The following RALYL variants were observed in gnomAD, a reference collection of about 807,000 sequenced individuals.
The protein encoded by RALYL is RNA-binding Raly-like protein.
RALYL carries 29 observed loss-of-function variants against 35.1 expected under a neutral mutation model. The observed-to-expected ratio is 0.83, with a 90% CI of 0.61 to 1.13. The LOEUF (loss-of-function observed/expected upper bound fraction) is 1.13, where lower values mean the gene tolerates loss of function less well. Among genes scored for constraint, RALYL ranks in the 50% most tolerant of loss-of-function variants. The pLI, the probability that RALYL is intolerant of heterozygous loss-of-function variation, is 0.00. For missense variants in RALYL, 359 were observed against 360.4 expected (o/e 1.00, Z 0.03); for synonymous variants, 120 against 127.6 (o/e 0.94, Z 0.40).
chr8:84,714,799 AG>A (rs201574116), intron 2 of RALYL, among the ~76,000 whole-genome samples: 2,139 of 152,040 alleles, frequency 0.014, 61 homozygotes, highest in African/African-American at 0.049. Context: ...GGGCAAGAAA[AG>A]GGGAGAGGTG....
intron 2 of RALYL, among the ~76,000 whole-genome samples, chr8:84,685,774 G>C (rs191672088): frequency 2.0e-5 from 3 of 152,034 alleles, no homozygotes; most frequent in Admixed American, 1.3e-4. Context: ...GACAATGTTT[G>C]TGTGTGTGTG....
intron 3 of RALYL, among the ~76,000 whole-genome samples, chr8:84,778,863 G>A (rs972642149): frequency 6.6e-6 from 1 of 152,174 alleles, no homozygotes; most frequent in African/African-American, 2.4e-5. Context: ...ATGATCACAT[G>A]AGCTGAATAG....
At chr8:84,214,917 A>G (rs1431788160) in intron 1 of RALYL, among the ~76,000 whole-genome samples, 1 of 150,744 alleles carries the variant, frequency 6.6e-6, no homozygotes, top group African/African-American at 2.4e-5. Context: ...ATATTTATTT[A>G]ATTTTTGAGA....
At chr8:84,538,772 C>T (rs1163014790) in intron 2 of RALYL, among the ~76,000 whole-genome samples, 1 of 152,014 alleles carries the variant, frequency 6.6e-6, no homozygotes, top group Non-Finnish European at 1.5e-5. Context: ...TTAAGAAAGG[C>T]TTATGCGCCA....
chr8:84,367,714 A>T (rs1298706670), intron 1 of RALYL, among the ~76,000 whole-genome samples: 1 of 152,138 alleles, frequency 6.6e-6, no homozygotes, highest in East Asian at 1.9e-4. Context: ...TTAAGAAATA[A>T]CACTTTTATA....
chr8:84,898,828 CT>C (rs1845188832), intron 8 of RALYL, among the ~76,000 whole-genome samples: 1 of 152,156 alleles, frequency 6.6e-6, no homozygotes. Context: ...ATCTGGAAAC[CT>C]TCCTGAAATT....
intron 1 of RALYL, among the ~76,000 whole-genome samples, chr8:84,187,127 A>G (rs763651555): frequency 6.6e-6 from 1 of 152,128 alleles, no homozygotes; most frequent in Non-Finnish European, 1.5e-5. Context: ...CACAAATTAA[A>G]TTGGCATTGG....
In RALYL at chr8:84,529,577, G is replaced by T; in HGVS notation, c.256G>T (p.Asp86Tyr). The T allele has an allele frequency of 6.2e-7, 1 of 1,605,742 alleles. No homozygotes were observed. The highest frequency in any genetic ancestry group is 8.5e-7 in the Non-Finnish European group (1 of 1,173,232). The change falls in exon 2 of 9, where the codon GAT becomes TAT. Residue 86 changes from aspartate to tyrosine, a missense_variant and splice_region_variant. Transcript: ENST00000521268. ...NARVIAGQPLDINMAGEPKPY... is the reference protein window; with the variant it reads ...NARVIAGQPLYINMAGEPKPY... ...CAGAGTCATCGCCGGCCAACCACTT[G>T]GTAAGTCATGCTCAGACATGGATCT...
chr8:84,310,453 T>G (rs868851931), intron 1 of RALYL, among the ~76,000 whole-genome samples: 1 of 144,088 alleles, frequency 6.9e-6, no homozygotes, highest in African/African-American at 2.6e-5. Context: ...AAATAAAAGA[T>G]GAAAAAGCAA....
At chr8:84,618,080 T>A (rs1820281278) in intron 2 of RALYL, among the ~76,000 whole-genome samples, 1 of 151,814 alleles carries the variant, frequency 6.6e-6, no homozygotes, top group Non-Finnish European at 1.5e-5. Context: ...TCTGCCCGGC[T>A]TTGGTATCAG....
chr8:84,418,920 A>C (rs1587003627), intron 1 of RALYL, among the ~76,000 whole-genome samples: 1 of 152,150 alleles, frequency 6.6e-6, no homozygotes, highest in East Asian at 1.9e-4. Flanking sequence ...TTCCATCTTA[A>C]GTAGGCCTCC....
chr8:84,347,835 A>C (rs1444075513), intron 1 of RALYL, among the ~76,000 whole-genome samples: 1 of 152,154 alleles, frequency 6.6e-6, no homozygotes, highest in Non-Finnish European at 1.5e-5. Context: ...ATCTGTAGAC[A>C]AATTAAATTC....
chr8:84,764,683 C>T (rs1037769298), intron 2 of RALYL, among the ~76,000 whole-genome samples: 1 of 152,158 alleles, frequency 6.6e-6, no homozygotes, highest in Admixed American at 6.6e-5. Flanking sequence ...GGCCAACGTG[C>T]CATAGTGCTG....
At chr8:84,319,265 T>G (rs1844350725) in intron 1 of RALYL, among the ~76,000 whole-genome samples, 1 of 152,120 alleles carries the variant, frequency 6.6e-6, no homozygotes, top group African/African-American at 2.4e-5. Flanking sequence ...TAATGCTAAG[T>G]GTTTTAAGTG....
intron 1 of RALYL, among the ~76,000 whole-genome samples, chr8:84,369,246 T>C (rs748847695): frequency 2.0e-5 from 3 of 152,126 alleles, no homozygotes; most frequent in Non-Finnish European, 4.4e-5. Flanking sequence ...TGAAATCCAA[T>C]AAATTCTTGA....
intron 1 of RALYL, among the ~76,000 whole-genome samples, chr8:84,263,509 A>G (rs1170971426): frequency 6.6e-6 from 1 of 152,228 alleles, no homozygotes; most frequent in African/African-American, 2.4e-5. Flanking sequence ...TCTGAATGCA[A>G]TTTAAATAAT....
intron 1 of RALYL, among the ~76,000 whole-genome samples, chr8:84,471,898 A>G (rs1359339732): frequency 2.0e-5 from 3 of 152,192 alleles, no homozygotes; most frequent in African/African-American, 7.2e-5. Context: ...TTTGTTATAT[A>G]AATAAACTTG....
intron 1 of RALYL, among the ~76,000 whole-genome samples, chr8:84,422,258 C>A (rs1336158381): frequency 1.7e-5 from 2 of 116,716 alleles, no homozygotes; most frequent in Non-Finnish European, 3.5e-5. Flanking sequence ...GATTCAACTT[C>A]TTCCTGGTTT....
At chr8:84,562,153 A>G (rs1001344113) in intron 2 of RALYL, among the ~76,000 whole-genome samples, 22 of 151,984 alleles carry the variant, frequency 1.4e-4, no homozygotes, top group Admixed American at 2.6e-4. Context: ...CCTGACCAAA[A>G]TACTTGCTGT....
Sources: allele counts gnomAD v4.1 joint callset (sites outside exome capture counted in the v4.1 genomes callset), GRCh38; gene constraint gnomAD v4.1.1; transcripts MANE v1.5; gene names NCBI Gene and HGNC (gene_info 2026-07-23, HGNC 2026-07-21).